Variants in LSS observed in about 807,000 individuals in gnomAD.
LSS encodes 2,3-epoxysqualene-lanosterol cyclase.
A neutral mutation model predicts 110.3 loss-of-function variants in LSS; 90 were observed. That is an observed-to-expected ratio of 0.82 (90% confidence interval 0.69 to 0.97). The LOEUF is 0.97. Among genes scored for constraint, LSS ranks in the 50% least tolerant of loss-of-function variants. LSS has a pLI of 0.00. For synonymous variants in LSS, 433 were observed against 400.0 expected, an observed-to-expected ratio of 1.08 and a Z score of -0.98; for missense variants, 927 against 990.0, an observed-to-expected ratio of 0.94 and a Z score of 0.85.
chr21:46,227,625 T>C lies in LSS; in HGVS notation c.246A>G (p.Thr82=). 6 of 1,613,308 alleles carry C rather than the reference T, an allele frequency of 3.7e-6. No homozygotes were observed. The highest frequency in any genetic ancestry group is 1.7e-5 in the Admixed American group (1 of 59,970). ...TAFEGALNGM[T]FYVGLQAEDG... The stretch of plus-strand genomic sequence containing the variant: ...CCTCAGCCTGCAGCCCCACGTAAAA[T>C]GTCATCCCGTTCAGAGCCCCCTCAA... Residue 82 remains threonine, a synonymous_variant, in exon 3 of 22, where the codon ACA becomes ACG. Transcript: ENST00000397728.
In LSS at chr21:46,227,750, G is replaced by A. The variant is rs533996961; in HGVS notation, c.181-60C>T. On this transcript the variant is annotated intron_variant, in intron 2 of 21. Coordinates refer to ENST00000397728, the MANE Select transcript of LSS (RefSeq NM_002340.6). ...CTGACGGGACTGTTGCCCGGCCAGAGGAACCCTCTTCACATACAGCCCAAG... is the reference window on the plus strand; with the variant it reads ...CTGACGGGACTGTTGCCCGGCCAGAAGAACCCTCTTCACATACAGCCCAAG... 3.8e-6 allele frequency: 6 copies of A among 1,591,904 alleles called. No homozygotes were observed. In the Admixed American group the frequency reaches 8.5e-5, roughly 23 times the overall value.
rs565553822 is a variant in LSS at position 46,228,249 on chromosome 21, T to C, written c.180+185A>G. Among the ~76,000 whole-genome samples, 63 of 152,338 alleles carry C rather than the reference T, an allele frequency of 4.1e-4. No individual in the cohort carries two copies. In the Middle Eastern group the frequency reaches 0.014, roughly 33 times the overall value. The stretch of plus-strand genomic sequence containing the variant: ...AAAATAAAACATTAGGAGTCTCCTA[T>C]GCGTGGTTTAGAGATGAAGGGGCTG... On this transcript the variant is annotated intron_variant, in intron 2 of 21. Transcript: ENST00000397728.
chr21:46,193,465 TAC>T (rs1471488384), intron 20 of LSS: 1 of 439,390 alleles, frequency 2.3e-6, no homozygotes, highest in African/African-American at 2.1e-5. Context: ...TGCGTGTGTG[TAC>T]ACAGGTGCCT....
In LSS at chr21:46,196,467, T is replaced by G. The variant is rs1056914238; in HGVS notation, c.1671-200A>C. The G allele has an allele frequency of 1.4e-5, 8 of 576,192 alleles. No individual in the cohort carries two copies. In the East Asian group the frequency reaches 2.3e-4, roughly 16 times the overall value. 35.7% of individuals were successfully genotyped at this position (576,192 alleles called of 1,614,324 possible). ...CAGAGCGGGAAGCGGATTGGCAGAG[T>G]CTGAGAAAGGGACGTGAGGGGAAAG... is the stretch of plus-strand genomic sequence containing the variant. On this transcript the variant is annotated intron_variant, in intron 17 of 21. Coordinates refer to ENST00000397728, the MANE Select transcript of LSS (RefSeq NM_002340.6).
chr21:46,215,375 C>G (rs1569031359), intron 8 of LSS, 77 bp from the exon 9 acceptor site: 2 of 1,018,162 alleles, frequency 2.0e-6, no homozygotes, highest in Non-Finnish European at 2.9e-6. Context: ...ACTGCAACGC[C>G]TGGACTTGCC....
intron 17 of LSS, chr21:46,196,480 C>T (rs1356496406): frequency 2.5e-5 from 14 of 558,350 alleles, no homozygotes; most frequent in South Asian, 1.4e-4. Flanking sequence ...GAGAAAGGGA[C>T]GTGAGGGGAA....
intron 17 of LSS, among the ~76,000 whole-genome samples, chr21:46,201,632 CA>C (rs1343309546): frequency 6.6e-6 from 1 of 152,042 alleles, no homozygotes; most frequent in Non-Finnish European, 1.5e-5. Context: ...GAATTCTAGT[CA>C]GAGTAAACAG....
intron 17 of LSS, among the ~76,000 whole-genome samples, chr21:46,202,740 G>A (rs1375404859): frequency 1.3e-5 from 2 of 151,878 alleles, no homozygotes; most frequent in African/African-American, 4.8e-5. Context: ...AGCCACAGGT[G>A]ATGGTATGCA....
At chr21:46,207,867 C>T (rs1163525294) in intron 14 of LSS, among the ~76,000 whole-genome samples, 2 of 152,234 alleles carry the variant, frequency 1.3e-5, no homozygotes, top group Non-Finnish European at 2.9e-5. Context: ...AAACAGGCAG[C>T]AGCAGCTGGG....
At chr21:46,198,849 A>AAT (rs1569020474) in intron 17 of LSS, among the ~76,000 whole-genome samples, 4 of 151,806 alleles carry the variant, frequency 2.6e-5, no homozygotes, top group Admixed American at 6.6e-5. Context: ...AAAAAAAAAA[A>AAT]AAATCTAGAC....
intron 19 of LSS, 140 bp downstream of exon 19, chr21:46,195,536 C>T (rs1280108970): frequency 2.0e-5 from 16 of 792,644 alleles, no homozygotes; most frequent in Non-Finnish European, 2.9e-5. Context: ...CATGTCAGCC[C>T]GGTTGACAGA....
chr21:46,206,580 C>T (rs1266491797), intron 16 of LSS, 92 bp downstream of exon 16: 20 of 1,117,380 alleles, frequency 1.8e-5, no homozygotes, highest in East Asian at 2.4e-5. Flanking sequence ...CTTGCAGCCT[C>T]GGGCAAGGGG....
chr21:46,210,676 G>A lies in LSS; in HGVS notation c.1194+12C>T, dbSNP rs1397261431. 10 of 1,613,552 alleles carry A rather than the reference G, an allele frequency of 6.2e-6. No individual in the cohort carries two copies. Among genetic ancestry groups the A allele is most frequent in the Non-Finnish European group, 8.5e-6 (10 of 1,179,940 alleles). On this transcript the variant is annotated intron_variant, in intron 12 of 21. Coordinates refer to ENST00000397728, the MANE Select transcript of LSS (RefSeq NM_002340.6). ...GTCAGCTGAGGCTGAGAAAAGAGAA[G>A]GAGCCACGAACCTCAAGCAGAGCCT... is the stretch of plus-strand genomic sequence containing the variant.
chr21:46,218,105 C>T (rs34625510), intron 6 of LSS, among the ~76,000 whole-genome samples: 7,632 of 129,868 alleles, frequency 0.059, 200 homozygotes, highest in East Asian at 0.097. Flanking sequence ...CCCCCCACCC[C>T]CCACCCCCGC....
At chr21:46,208,222 G>A (rs368842770) in intron 14 of LSS, 29 bp downstream of exon 14, 7 of 1,550,626 alleles carry the variant, frequency 4.5e-6, no homozygotes, top group Admixed American at 2.0e-5. Context: ...CTGGGGGACG[G>A]GACAGGGATG....
chr21:46,194,542 T>G lies in LSS; in HGVS notation c.1937A>C (p.Gln646Pro). 1 of 1,613,932 alleles carries G rather than the reference T, an allele frequency of 6.2e-7. No individual in the cohort carries two copies. Among genetic ancestry groups the G allele is most frequent in the Non-Finnish European group, 8.5e-7 (1 of 1,180,026 alleles). The change falls in exon 20 of 22, where the codon CAG (glutamine) becomes CCG (proline). Residue 646 changes from glutamine to proline, a missense_variant. Coordinates refer to ENST00000397728, the MANE Select transcript of LSS (RefSeq NM_002340.6). ...CEERRYLQSA[Q>P]SQIHNTCWAM... Reference sequence around the variant, plus strand: ...CCAGCATGTGTTATGGATCTGGGACTGGGCACTCTGCAAATAACGCCGCTC... The same window carrying G: ...CCAGCATGTGTTATGGATCTGGGACGGGGCACTCTGCAAATAACGCCGCTC...
chr21:46,208,931 G>A (rs1032847366), intron 13 of LSS, among the ~76,000 whole-genome samples: 1 of 152,238 alleles, frequency 6.6e-6, no homozygotes, highest in African/African-American at 2.4e-5. Context: ...CTGAAGGGAG[G>A]GAGACGGGGC....
chr21:46,205,745 G>T, intron 17 of LSS, 91 bp downstream of exon 17: 1 of 969,552 alleles, frequency 1.0e-6, no homozygotes, highest in Non-Finnish European at 1.5e-6. Flanking sequence ...CTTCTGAGAT[G>T]GGCCACCAGG....
chr21:46,219,554 G>A lies in LSS; in HGVS notation c.569C>T (p.Pro190Leu), dbSNP rs748360475. 3.7e-6 allele frequency: 6 copies of A among 1,600,426 alleles called. No homozygotes were observed. Among genetic ancestry groups the A allele is most frequent in the Non-Finnish European group, 5.1e-6 (6 of 1,173,462 alleles). Reference sequence around the variant, plus strand: ...AGCCAGCCAGAACTTCCCCCAGGAGGGGATGGCCACAGCACCACCTGAGCG... The same window carrying A: ...AGCCAGCCAGAACTTCCCCCAGGAGAGGATGGCCACAGCACCACCTGAGCG... ...LHKKGGAVAI[P>L]SWGKFWLAVL... The change falls in exon 6 of 22, where the codon CCC (proline) becomes CTC (leucine). Residue 190 changes from proline (P) to leucine (L), a missense_variant. Coordinates refer to ENST00000397728, the MANE Select transcript of LSS (RefSeq NM_002340.6).
Sources: allele counts gnomAD v4.1 joint callset (sites outside exome capture counted in the v4.1 genomes callset), GRCh38; gene constraint gnomAD v4.1.1; transcripts MANE v1.5; gene names NCBI Gene and HGNC (gene_info 2026-07-23, HGNC 2026-07-21).